IPO11: variants seen among roughly 807,000 people sequenced by gnomAD.
The protein encoded by IPO11 is importin-11.
In IPO11, 66 loss-of-function variants were observed where a neutral mutation model predicts 143.2. That is an observed-to-expected ratio of 0.46 (90% CI 0.38 to 0.57). The LOEUF (loss-of-function observed/expected upper bound fraction) is 0.57. Among genes scored for constraint, IPO11 ranks in the 20% least tolerant of loss-of-function variants. IPO11 has a pLI of 0.00. For synonymous variants in IPO11, 385 were observed against 377.8 expected, an observed-to-expected ratio of 1.02 and a Z score of -0.22; for missense variants, 1,026 against 1,141.0, an observed-to-expected ratio of 0.90 and a Z score of 1.45.
chr5:62,488,164 G>A (rs1197891930), intron 13 of IPO11, among the ~76,000 whole-genome samples: 1 of 152,176 alleles, frequency 6.6e-6, no homozygotes, highest in African/African-American at 2.4e-5. Flanking sequence ...GTGAGAAAAG[G>A]TTAAAATAGT....
intron 26 of IPO11, among the ~76,000 whole-genome samples, chr5:62,555,676 T>G (rs1356004718): frequency 1.3e-5 from 2 of 151,990 alleles, no homozygotes; most frequent in Non-Finnish European, 2.9e-5. Context: ...GCTAATTTGT[T>G]GTATTTTTAG....
intron 5 of IPO11, among the ~76,000 whole-genome samples, chr5:62,461,851 A>G (rs1745370335): frequency 6.6e-6 from 1 of 152,210 alleles, no homozygotes; most frequent in South Asian, 2.1e-4. Flanking sequence ...TAATATTTAC[A>G]TTATACTTAC....
Position 62,536,847 on chromosome 5 carries a change from CA to C in IPO11, c.2169+67del, listed in dbSNP as rs147078693. 788 of 1,352,092 alleles carry C rather than the reference CA, an allele frequency of 5.8e-4. No homozygotes were observed. The African/African-American group carries it at 7.4e-3, about 13-fold the overall frequency. The allele number at this position is 1,352,092 out of a possible 1,614,324, so 83.8% of individuals were successfully genotyped here. ...TATTATTTTGATTATTATTTGAAAT[CA>C]GGGGGTACGTTTTCAAAATTTTAAG... On this transcript the variant is annotated intron_variant, in intron 23 of 29. Transcript: ENST00000325324.
rs531989883 is a variant in IPO11, at chr5:62,598,422, T to C, written c.2679-3342T>C. 2.1e-3 allele frequency among the ~76,000 whole-genome samples: 18 copies of C among 8,654 alleles called. 1 individual carries two copies. The South Asian group carries it at 0.079, about 38-fold the overall frequency. 5.7% of individuals were successfully genotyped at this position (8,654 alleles called of 152,430 possible). ...TTTCTTTCTTTCTTTCTTTCTTTCTTTCTTTCTTTCTCTCTCTCTCTCTCT... is the reference window on the plus strand; with the variant it reads ...TTTCTTTCTTTCTTTCTTTCTTTCTCTCTTTCTTTCTCTCTCTCTCTCTCT... On this transcript the variant is annotated intron_variant, in intron 28 of 29. Transcript: ENST00000325324.
chr5:62,516,317 G>A (rs1462018810), intron 20 of IPO11, among the ~76,000 whole-genome samples: 5 of 151,398 alleles, frequency 3.3e-5, no homozygotes, highest in East Asian at 1.9e-4. Flanking sequence ...TTTTTGAGAC[G>A]GAGTCTCGCT....
At chr5:62,430,430 C>T (rs912619518) in intron 1 of IPO11, among the ~76,000 whole-genome samples, 1 of 152,164 alleles carries the variant, frequency 6.6e-6, no homozygotes, top group East Asian at 1.9e-4. Context: ...AAGCAGTCCT[C>T]TCACCTCAGC....
intron 18 of IPO11, among the ~76,000 whole-genome samples, chr5:62,505,550 A>C (rs1317741740): frequency 9.2e-5 from 14 of 152,098 alleles, no homozygotes; most frequent in Admixed American, 9.2e-4. Context: ...ATCACTAGAC[A>C]TTTTTGGATG....
At chr5:62,570,181 C>A (rs1037472019) in intron 27 of IPO11, among the ~76,000 whole-genome samples, 1 of 152,122 alleles carries the variant, frequency 6.6e-6, no homozygotes, top group African/African-American at 2.4e-5. Flanking sequence ...AAAGCAATTT[C>A]ATTGAAAAAG....
chr5:62,560,989 A>C, intron 26 of IPO11, 147 bp from the exon 27 acceptor site: 1 of 596,532 alleles, frequency 1.7e-6, no homozygotes, highest in South Asian at 3.0e-5. Flanking sequence ...CCAGCTCATG[A>C]CTTAACCCCA....
At chr5:62,469,529 A>C (rs1745694134) in intron 6 of IPO11, among the ~76,000 whole-genome samples, 1 of 152,144 alleles carries the variant, frequency 6.6e-6, no homozygotes, top group Non-Finnish European at 1.5e-5. Context: ...TGTCTCTTAC[A>C]CTGTCACCAT....
At chr5:62,440,057 T>C (rs564455035) in intron 2 of IPO11, among the ~76,000 whole-genome samples, 7 of 152,334 alleles carry the variant, frequency 4.6e-5, no homozygotes, top group African/African-American at 1.7e-4. Flanking sequence ...ACTCATTTGC[T>C]CAATAGAAAG....
intron 3 of IPO11, chr5:62,443,298 AGT>A: frequency 2.3e-6 from 1 of 439,466 alleles, no homozygotes; most frequent in Admixed American, 4.2e-5. Context: ...ATGCAAAAAA[AGT>A]GTTTACTACT....
In IPO11 at chr5:62,614,527, C is replaced by T. The variant is rs375149167; in HGVS notation, c.2764-12627C>T. Among the ~76,000 whole-genome samples the T allele has an allele frequency of 9.2e-5, 14 of 152,292 alleles. No homozygotes were observed. The East Asian group carries it at 1.7e-3, about 19-fold the overall frequency. ...TGAAATGCTGAAGAGTTACCTGACCCGCCCCCCCTCACCCCGCAGGATATG... is the reference window on the plus strand; with the variant it reads ...TGAAATGCTGAAGAGTTACCTGACCTGCCCCCCCTCACCCCGCAGGATATG... On this transcript the variant is annotated intron_variant, in intron 29 of 29. Coordinates refer to ENST00000325324, the MANE Select transcript of IPO11 (RefSeq NM_016338.5).
chr5:62,427,955 GC>G (rs1281064223), intron 1 of IPO11, among the ~76,000 whole-genome samples: 1 of 152,212 alleles, frequency 6.6e-6, no homozygotes, highest in Non-Finnish European at 1.5e-5. Flanking sequence ...GGACAGATAT[GC>G]TAAACAACCT....
chr5:62,426,519 A>G (rs1449708098), intron 1 of IPO11, among the ~76,000 whole-genome samples: 1 of 152,246 alleles, frequency 6.6e-6, no homozygotes, highest in Admixed American at 6.5e-5. Context: ...GTGCTTAACA[A>G]GAGAAATACG....
At position 62,509,031 on chromosome 5, in the gene IPO11, A is replaced by G. The variant is rs79429953; in HGVS notation, c.1782+2674A>G. Among the ~76,000 whole-genome samples, 770 of 152,336 alleles carry G rather than the reference A, an allele frequency of 5.1e-3. 7 individuals are homozygous for G. The highest frequency in any genetic ancestry group is 0.017 in the African/African-American group (725 of 41,564). On this transcript the variant is annotated intron_variant, in intron 19 of 29. Transcript: ENST00000325324. Reference sequence around the variant, plus strand: ...TACAATAGTGCTTTCTGACACATACAGTTTAATGTTGAAGTTTCAGTAAAG... The same window carrying G: ...TACAATAGTGCTTTCTGACACATACGGTTTAATGTTGAAGTTTCAGTAAAG...
At chr5:62,426,642 G>A (rs1199323381) in intron 1 of IPO11, among the ~76,000 whole-genome samples, 1 of 151,932 alleles carries the variant, frequency 6.6e-6, no homozygotes, top group Non-Finnish European at 1.5e-5. Context: ...AAAACTCTTG[G>A]CCTTAAAAAA....
At chr5:62,553,530 T>C (rs1185267287) in intron 26 of IPO11, among the ~76,000 whole-genome samples, 1 of 152,194 alleles carries the variant, frequency 6.6e-6, no homozygotes, top group East Asian at 1.9e-4. Context: ...TGCTGGATCA[T>C]ACGATAGTTC....
chr5:62,564,025 T>G (rs1251586132), intron 27 of IPO11, among the ~76,000 whole-genome samples: 1 of 152,208 alleles, frequency 6.6e-6, no homozygotes, highest in Non-Finnish European at 1.5e-5. Context: ...GAAATACAAA[T>G]CTAATGGGCA....
Sources: gnomAD v4.1 joint callset for allele counts (sites outside exome capture counted in the v4.1 genomes callset) on GRCh38, gnomAD v4.1.1 for gene constraint, MANE v1.5 for transcripts, NCBI Gene and HGNC (gene_info 2026-07-23, HGNC 2026-07-21) for gene names.